The following RAB31 variants were observed in gnomAD, a reference collection of about 807,000 sequenced individuals.
RAB31 encodes RAB31, member RAS oncogene family.
RAB31 carries 21 observed loss-of-function variants against 25.6 expected under a neutral mutation model. The observed-to-expected ratio is 0.82, with a 90% CI of 0.58 to 1.18. RAB31 has a LOEUF of 1.18. Ranked by LOEUF, RAB31 falls within the 50% of genes most tolerant of loss-of-function variation. The probability of loss-of-function intolerance (pLI) is 0.00; values close to 1 mark genes in which losing one functional copy is unlikely to be tolerated. For missense variants in RAB31, 196 were observed against 250.1 expected (o/e 0.78, Z 1.46); for synonymous variants, 87 against 84.0 (o/e 1.04, Z -0.20).
At chr18:9,752,714 G>T (rs181105007) in intron 1 of RAB31, among the ~76,000 whole-genome samples, 30 of 152,316 alleles carry the variant, frequency 2.0e-4, no homozygotes, top group African/African-American at 6.7e-4. Flanking sequence ...TGATACTTTA[G>T]TATAGTAGTA....
At chr18:9,727,186 T>A (rs1196729517) in intron 1 of RAB31, among the ~76,000 whole-genome samples, 4 of 152,236 alleles carry the variant, frequency 2.6e-5, no homozygotes, top group African/African-American at 9.6e-5. Flanking sequence ...TGTAGCCATG[T>A]GGGCCCGTAT....
chr18:9,796,100 G>A (rs2068485754), intron 3 of RAB31, among the ~76,000 whole-genome samples: 2 of 152,210 alleles, frequency 1.3e-5, no homozygotes, highest in Non-Finnish European at 2.9e-5. Context: ...CAAACTGGAT[G>A]CAATTGGAGA....
intron 1 of RAB31, among the ~76,000 whole-genome samples, chr18:9,751,956 G>C (rs985925888): frequency 3.9e-5 from 6 of 152,186 alleles, no homozygotes; most frequent in African/African-American, 1.4e-4. Context: ...TGGGCCCCAG[G>C]AAGACAGGGA....
chr18:9,771,402 G>C (rs1377717687), intron 1 of RAB31, among the ~76,000 whole-genome samples: 6 of 152,158 alleles, frequency 3.9e-5, no homozygotes, highest in Admixed American at 3.9e-4. Context: ...ACATAGATGG[G>C]TTTCCGTCAG....
At chr18:9,845,397 A>G (rs899433016) in intron 5 of RAB31, among the ~76,000 whole-genome samples, 185 bp from the exon 6 acceptor site, 4 of 152,232 alleles carry the variant, frequency 2.6e-5, no homozygotes, top group African/African-American at 9.6e-5. Context: ...CATGAATGCC[A>G]GAGACTGGGT....
chr18:9,708,345 G>A lies in RAB31; in HGVS notation c.-61G>A. ...GGCAGAGGCGAGAGACGCCGGCGGG[G>A]CGCGGGCGCGGCGGCCCCGGAGGAT... On this transcript the variant is annotated 5_prime_UTR_variant, in exon 1 of 7. Coordinates refer to ENST00000578921, the MANE Select transcript of RAB31 (RefSeq NM_006868.4). The surrounding 1 kb of genome is among the most constrained non-coding windows in gnomAD (Gnocchi z 6.4). 1 of 1,352,812 alleles carries A rather than the reference G, an allele frequency of 7.4e-7. No homozygotes were observed. The highest frequency in any genetic ancestry group is 1.5e-5 in the South Asian group (1 of 65,914). 83.8% of individuals were successfully genotyped at this position (1,352,812 alleles called of 1,614,324 possible).
At chr18:9,728,682 T>C (rs1430853696) in intron 1 of RAB31, among the ~76,000 whole-genome samples, 2 of 151,856 alleles carry the variant, frequency 1.3e-5, no homozygotes, top group Non-Finnish European at 2.9e-5. Context: ...GGATTACAGG[T>C]GTTTGCCACC....
rs2068850009 is a variant in RAB31 at position 9,861,877 on chromosome 18, G to A, written c.*2552G>A. Reference sequence around the variant, plus strand: ...CTAGCCATGTGTTAATATAAAGTAGGCATGGCTTCCCAATGGAAATCTCTG... The same window carrying A: ...CTAGCCATGTGTTAATATAAAGTAGACATGGCTTCCCAATGGAAATCTCTG... On this transcript the variant is annotated 3_prime_UTR_variant, in exon 7 of 7. Coordinates refer to ENST00000578921, the MANE Select transcript of RAB31 (RefSeq NM_006868.4). The A allele has an allele frequency of 6.6e-6, 1 of 152,554 alleles. No homozygotes were observed. Among genetic ancestry groups the A allele is most frequent in the South Asian group, 2.1e-4 (1 of 4,836 alleles). The allele number at this position is 152,554 out of a possible 1,614,324, so 9.5% of individuals were successfully genotyped here. A position where few individuals can be genotyped will look rare whatever the true frequency, so the allele number is the denominator to read the frequency against.
At chr18:9,776,206 C>T (rs1334237668) in intron 2 of RAB31, among the ~76,000 whole-genome samples, 1 of 152,164 alleles carries the variant, frequency 6.6e-6, no homozygotes, top group East Asian at 1.9e-4. Flanking sequence ...GTTCATCTCC[C>T]CTTTCCAGTG....
intron 1 of RAB31, among the ~76,000 whole-genome samples, chr18:9,719,298 AATATATATATAT>A (rs71168101): frequency 0.012 from 282 of 23,074 alleles, 3 homozygotes; most frequent in Non-Finnish European, 0.02. Flanking sequence ...AAAAAAAAAA[AATATATATATAT>A]ATATATATAT....
rs533071059 is a variant in RAB31 at position 9,763,329 on chromosome 18, C to T, written c.40-11949C>T. Among the ~76,000 whole-genome samples the T allele has an allele frequency of 2.6e-5, 4 of 152,058 alleles. No individual in the cohort carries two copies. The South Asian group carries it at 8.3e-4, about 32-fold the overall frequency. ...TCAACAGACAATAGAAGCAGACCCA[C>T]AGAGAATCTAAGGAATGAGATTATC... On this transcript the variant is annotated intron_variant, in intron 1 of 6. Transcript: ENST00000578921.
At chr18:9,855,642 G>A (rs1439737015) in intron 6 of RAB31, among the ~76,000 whole-genome samples, 1 of 152,082 alleles carries the variant, frequency 6.6e-6, no homozygotes, top group African/African-American at 2.4e-5. Flanking sequence ...TTTGCGTTCT[G>A]GTTTCCTGGT....
intron 2 of RAB31, among the ~76,000 whole-genome samples, chr18:9,786,386 A>C (rs1047405203): frequency 6.6e-6 from 1 of 152,234 alleles, no homozygotes; most frequent in Non-Finnish European, 1.5e-5. Context: ...ACTATAAGTA[A>C]GTGTTTCCTT....
At chr18:9,752,990 T>G (rs2068243158) in intron 1 of RAB31, among the ~76,000 whole-genome samples, 1 of 152,268 alleles carries the variant, frequency 6.6e-6, no homozygotes, top group Non-Finnish European at 1.5e-5. Flanking sequence ...GATCTTAAGA[T>G]ATGTACAGTG....
At chr18:9,852,832 A>C (rs1175147107) in intron 6 of RAB31, among the ~76,000 whole-genome samples, 1 of 152,340 alleles carries the variant, frequency 6.6e-6, no homozygotes, top group Admixed American at 6.5e-5. Context: ...TGGTTTTACT[A>C]CAGTATGTTA....
chr18:9,711,884 T>C (rs1438187461), intron 1 of RAB31, among the ~76,000 whole-genome samples: 1 of 152,250 alleles, frequency 6.6e-6, no homozygotes. Context: ...CCTGGTACTG[T>C]GCTCAGTGGG....
intron 1 of RAB31, among the ~76,000 whole-genome samples, chr18:9,757,463 C>G (rs904885857): frequency 1.3e-5 from 2 of 152,224 alleles, no homozygotes; most frequent in Non-Finnish European, 2.9e-5. Flanking sequence ...CTTGTCATCT[C>G]TGTGTGCTAA....
chr18:9,818,397 T>C (rs1490757150), intron 5 of RAB31, among the ~76,000 whole-genome samples: 1 of 152,234 alleles, frequency 6.6e-6, no homozygotes, highest in Non-Finnish European at 1.5e-5. Flanking sequence ...CCAGCCCTGG[T>C]AATCACTAAT....
At chr18:9,840,153 C>T (rs1294583529) in intron 5 of RAB31, among the ~76,000 whole-genome samples, 1 of 152,164 alleles carries the variant, frequency 6.6e-6, no homozygotes, top group Non-Finnish European at 1.5e-5. Flanking sequence ...AAGGAGCAGC[C>T]AGGGGACAGG....
Sources: allele counts gnomAD v4.1 joint callset (sites outside exome capture counted in the v4.1 genomes callset), GRCh38; gene constraint gnomAD v4.1.1; non-coding constraint Gnocchi (gnomAD v3.1); transcripts MANE v1.5; gene names NCBI Gene and HGNC (gene_info 2026-07-23, HGNC 2026-07-21).